A4GNT: variants seen among roughly 807,000 people sequenced by gnomAD.
A4GNT encodes the protein alpha-1,4-N-acetylglucosaminyltransferase.
In A4GNT, 6 loss-of-function variants were observed where a neutral mutation model predicts 8.3. The observed-to-expected ratio is 0.72, with a 90% confidence interval of 0.39 to 1.42. A4GNT has a LOEUF of 1.42. A4GNT is among the 40% of genes most tolerant of loss of function. The pLI, the probability that A4GNT is intolerant of heterozygous loss-of-function variation, is 0.02. For synonymous variants in A4GNT, 157 were observed against 159.8 expected (o/e 0.98, Z 0.13); for missense variants, 377 against 417.0 (o/e 0.90, Z 0.84).
chr3:138,127,673 CCCTATGCCCATAATTCTCATT>C (rs2042754264), intron 2 of A4GNT, among the ~76,000 whole-genome samples: 1 of 152,146 alleles, frequency 6.6e-6, no homozygotes, highest in African/African-American at 2.4e-5. Flanking sequence ...CCCATCCCCA[CCCTATGCCCATAATTCTCATT>C]CCTGGGCATC....
chr3:138,124,404 G>T lies in A4GNT; in HGVS notation c.883C>A (p.Gln295Lys), dbSNP rs76043052. The T allele has an allele frequency of 1.5e-3, 2,432 of 1,614,178 alleles. 34 individuals are homozygous for T. The African/African-American group carries it at 0.03, about 20-fold the overall frequency. ...CCTCTAATCACAGCCCGCCCCTCCT[G>T]GTTCATGTGGTTCCACAAATGCAGG... ...YALHLWNHMNQEGRAVIRGSN... is the reference protein window; with the variant it reads ...YALHLWNHMNKEGRAVIRGSN... Residue 295 changes from glutamine (Q) to lysine (K), a missense_variant, in exon 3 of 3, where the codon CAG becomes AAG. Gln to Lys is a moderately conservative substitution (Grantham distance 53, BLOSUM62 1). Transcript: ENST00000236709.
intron 2 of A4GNT, among the ~76,000 whole-genome samples, chr3:138,127,018 G>A (rs372260192): frequency 6.7e-4 from 100 of 148,182 alleles, no homozygotes; most frequent in African/African-American, 2.2e-3. Context: ...TGTAATCCCA[G>A]CTACTCTGGA....
chr3:138,129,819 G>C (rs1344818979), intron 2 of A4GNT, among the ~76,000 whole-genome samples: 2 of 152,174 alleles, frequency 1.3e-5, no homozygotes, highest in Non-Finnish European at 2.9e-5. Flanking sequence ...GTTTGAGACA[G>C]AGTCTCGCTA....
intron 2 of A4GNT, among the ~76,000 whole-genome samples, chr3:138,125,296 T>G (rs1184190341): frequency 6.6e-6 from 1 of 152,014 alleles, no homozygotes; most frequent in East Asian, 1.9e-4. Context: ...CAACTGACAA[T>G]GAAAAAAATC....
Sources: allele counts gnomAD v4.1 joint callset (sites outside exome capture counted in the v4.1 genomes callset), GRCh38; gene constraint gnomAD v4.1.1; transcripts MANE v1.5; gene names NCBI Gene and HGNC (gene_info 2026-07-23, HGNC 2026-07-21).